The following LINGO1 variants were observed in gnomAD, a reference collection of about 807,000 sequenced individuals.
LINGO1 encodes leucine-rich repeat and immunoglobulin-like domain-containing nogo receptor-interacting protein 1.
In LINGO1, 11 loss-of-function variants were observed where a neutral mutation model predicts 37.3. The observed-to-expected ratio is 0.29, with a 90% CI of 0.19 to 0.49. The LOEUF (loss-of-function observed/expected upper bound fraction) is 0.49, where lower values mean the gene tolerates loss of function less well. Ranked by LOEUF, LINGO1 falls within the 20% of genes least tolerant of loss-of-function variation. The pLI is 0.99. For missense variants in LINGO1, 585 were observed against 878.2 expected (o/e 0.67, Z 4.22); for synonymous variants, 387 against 403.0 (o/e 0.96, Z 0.48).
chr15:77,707,771 C>T lies in LINGO1; in HGVS notation c.-194-16870G>A, dbSNP rs28675308. On this transcript the variant is annotated intron_variant, in intron 2 of 3. Coordinates refer to the LINGO1 transcript ENST00000561686. Reference sequence around the variant, plus strand: ...AAGAGGCTGGGCAGCCCTTGAGAACCCCTGGGGAAGGCTCTGACCATCAGG... The same window carrying T: ...AAGAGGCTGGGCAGCCCTTGAGAACTCCTGGGGAAGGCTCTGACCATCAGG... 8.0e-3 allele frequency among the ~76,000 whole-genome samples: 1,224 copies of T among 152,202 alleles called. 14 individuals carry two copies. Among genetic ancestry groups the T allele is most frequent in the African/African-American group, 0.025 (1,021 of 41,524 alleles).
chr15:77,686,354 C>T (rs1022815241), intron 2 of LINGO1, among the ~76,000 whole-genome samples: 5 of 152,162 alleles, frequency 3.3e-5, no homozygotes, highest in African/African-American at 7.2e-5. Flanking sequence ...TTCACTCAGG[C>T]GAGAGTGGAA....
intron 1 of LINGO1, among the ~76,000 whole-genome samples, chr15:77,628,310 T>C (rs1483296569): frequency 6.6e-6 from 1 of 152,134 alleles, no homozygotes; most frequent in African/African-American, 2.4e-5. Context: ...AACCTAAATG[T>C]CCATTGGTAG....
intron 1 of LINGO1, among the ~76,000 whole-genome samples, chr15:77,777,207 G>A (rs944330137): frequency 3.3e-5 from 5 of 152,126 alleles, no homozygotes; most frequent in East Asian, 1.9e-4. Context: ...TTTATGGTGC[G>A]GTCAACCAGC....
At chr15:77,666,081 G>C (rs1036526741) in intron 3 of LINGO1, among the ~76,000 whole-genome samples, 11 of 152,358 alleles carry the variant, frequency 7.2e-5, no homozygotes, top group African/African-American at 2.6e-4. Flanking sequence ...GCCTGGCTCA[G>C]AGCACACAGC....
intron 1 of LINGO1, among the ~76,000 whole-genome samples, chr15:77,631,320 C>G (rs1440910831): frequency 1.3e-5 from 2 of 152,340 alleles, no homozygotes; most frequent in East Asian, 1.9e-4. Context: ...TGCACTCCCA[C>G]CCGCTCAGGG....
chr15:77,679,480 T>G (rs1052680700), intron 2 of LINGO1, among the ~76,000 whole-genome samples: 6 of 152,164 alleles, frequency 3.9e-5, no homozygotes, highest in African/African-American at 1.4e-4. Context: ...TACAGAGCCC[T>G]TAGCATTTGC....
intron 1 of LINGO1, among the ~76,000 whole-genome samples, chr15:77,804,363 T>G (rs557833649): frequency 2.0e-5 from 3 of 152,276 alleles, no homozygotes; most frequent in Admixed American, 2.0e-4. Context: ...GCAAGTCATG[T>G]GGCCCCGGGT....
At chr15:77,780,584 G>A (rs1248599667) in intron 1 of LINGO1, among the ~76,000 whole-genome samples, 1 of 152,096 alleles carries the variant, frequency 6.6e-6, no homozygotes, top group African/African-American at 2.4e-5. Flanking sequence ...CAGAGGACAG[G>A]AGTGCAGGGG....
chr15:77,725,302 T>A (rs1431728507), intron 2 of LINGO1, among the ~76,000 whole-genome samples: 1 of 152,158 alleles, frequency 6.6e-6, no homozygotes, highest in Non-Finnish European at 1.5e-5. Context: ...ATGCCTATAA[T>A]CCCAACACTT....
chr15:77,794,870 G>T (rs1216274018), intron 2 of LINGO1, among the ~76,000 whole-genome samples: 2 of 152,114 alleles, frequency 1.3e-5, no homozygotes, highest in East Asian at 3.9e-4. Flanking sequence ...TATTTTGATG[G>T]TGCTAACTGG....
chr15:77,645,117 G>T (rs1438625299), intron 3 of LINGO1, among the ~76,000 whole-genome samples: 3 of 152,144 alleles, frequency 2.0e-5, no homozygotes, highest in Non-Finnish European at 4.4e-5. Flanking sequence ...AGTTCCCAGT[G>T]ACTCACAGGC....
At chr15:77,732,183 G>A (rs2076159966) in intron 2 of LINGO1, among the ~76,000 whole-genome samples, 1 of 152,266 alleles carries the variant, frequency 6.6e-6, no homozygotes, top group South Asian at 2.1e-4. Flanking sequence ...CAGGACTTGA[G>A]GTCTGCACTC....
intron 1 of LINGO1, among the ~76,000 whole-genome samples, chr15:77,747,988 C>A (rs991711837): frequency 6.6e-6 from 1 of 152,222 alleles, no homozygotes; most frequent in Non-Finnish European, 1.5e-5. Flanking sequence ...GGCCAAAGGG[C>A]GCACAGCTGG....
chr15:77,633,959 A>C (rs2074341760), upstream of LINGO1, among the ~76,000 whole-genome samples: 1 of 152,200 alleles, frequency 6.6e-6, no homozygotes, highest in Non-Finnish European at 1.5e-5. Flanking sequence ...TTTTATTAGA[A>C]TAACCATCAA....
intron 2 of LINGO1, among the ~76,000 whole-genome samples, chr15:77,677,941 G>A (rs917730933): frequency 1.3e-5 from 2 of 152,100 alleles, no homozygotes; most frequent in African/African-American, 2.4e-5. Context: ...GGCCCACAGG[G>A]CACTGCCCAA....
Position 77,632,258 on chromosome 15 carries a change from C to T in LINGO1, c.6+52G>A, listed in dbSNP as rs1239081654. ...CAGGGCCGATGGCGGCCCCCAGGGG[C>T]ACTCGCCGCGGGGCTGCCCGCTCGG... On this transcript the variant is annotated intron_variant, in intron 1 of 1. Coordinates refer to ENST00000355300, the MANE Select transcript of LINGO1 (RefSeq NM_032808.7). The surrounding 1 kb of genome is among the most constrained non-coding windows in gnomAD (Gnocchi z 6.0). 24 of 1,343,098 alleles carry T rather than the reference C, an allele frequency of 1.8e-5. No homozygotes were observed. The highest frequency in any genetic ancestry group is 2.3e-5 in the Non-Finnish European group (24 of 1,053,880). 83.2% of individuals were successfully genotyped at this position (1,343,098 alleles called of 1,614,324 possible). A position where few individuals can be genotyped will look rare whatever the true frequency, so the allele number is the denominator to read the frequency against.
intron 1 of LINGO1, among the ~76,000 whole-genome samples, chr15:77,746,715 G>A (rs2076318207): frequency 6.6e-6 from 1 of 152,184 alleles, no homozygotes; most frequent in Non-Finnish European, 1.5e-5. Context: ...CTAACATGAT[G>A]GATGGCACCA....
chr15:77,628,361 T>C (rs572548759), intron 1 of LINGO1, among the ~76,000 whole-genome samples: 5 of 152,276 alleles, frequency 3.3e-5, no homozygotes, highest in Non-Finnish European at 5.9e-5. Context: ...TGACAGAACA[T>C]TATACATCAG....
rs559014625 is a variant in LINGO1 at position 77,808,385 on chromosome 15, A to C, written c.-458+11873T>G. On this transcript the variant is annotated intron_variant, in intron 1 of 5. Transcript: ENST00000562933. The stretch of plus-strand genomic sequence containing the variant: ...CCTGTATCGGGGCAAAGGCCTTGAG[A>C]GGGAGGTGAGGCAGGTTTGAGGATC... Among the ~76,000 whole-genome samples the C allele has an allele frequency of 3.3e-5, 5 of 152,224 alleles. No homozygotes were observed. In the South Asian group the frequency reaches 1.0e-3, roughly 32 times the overall value.
Sources: allele counts gnomAD v4.1 joint callset (sites outside exome capture counted in the v4.1 genomes callset), GRCh38; gene constraint gnomAD v4.1.1; non-coding constraint Gnocchi (gnomAD v3.1); transcripts MANE v1.5; gene names NCBI Gene and HGNC (gene_info 2026-07-23, HGNC 2026-07-21).